The following NEDD4 variants were observed in gnomAD, a reference collection of about 807,000 sequenced individuals.
NEDD4 encodes the protein E3 ubiquitin-protein ligase NEDD4.
NEDD4 carries 99 observed loss-of-function variants against 144.9 expected under a neutral mutation model. The observed-to-expected ratio is 0.68, with a 90% CI of 0.58 to 0.81. The LOEUF (loss-of-function observed/expected upper bound fraction) is 0.81, where lower values mean the gene tolerates loss of function less well. Among genes scored for constraint, NEDD4 ranks in the 30% least tolerant of loss-of-function variants. NEDD4 has a pLI of 0.00. For synonymous variants in NEDD4, 318 were observed against 350.6 expected, an observed-to-expected ratio of 0.91 and a Z score of 1.04; for missense variants, 985 against 1,065.9, an observed-to-expected ratio of 0.92 and a Z score of 1.06.
At chr15:55,914,206 T>G (rs1173013795) in intron 5 of NEDD4, among the ~76,000 whole-genome samples, 2 of 151,580 alleles carry the variant, frequency 1.3e-5, no homozygotes, top group African/African-American at 4.8e-5. Context: ...AGAAGTTTTT[T>G]TTTTTAAAAC....
chr15:55,848,710 T>C lies in NEDD4; in HGVS notation c.1428+96A>G, dbSNP rs1219779214. On this transcript the variant is annotated intron_variant, in intron 15 of 28. Coordinates refer to ENST00000435532, the MANE Select transcript of NEDD4 (RefSeq NM_006154.4). The stretch of plus-strand genomic sequence containing the variant: ...TTAGAAGGTATCAACATTTTAATAA[T>C]AACATTAATTATAGATGATAAAGAA... 6.2e-6 allele frequency: 8 copies of C among 1,294,250 alleles called. No homozygotes were observed. In the East Asian group the frequency reaches 1.9e-4, roughly 31 times the overall value. 80.2% of individuals were successfully genotyped at this position (1,294,250 alleles called of 1,614,324 possible). A position where few individuals can be genotyped will look rare whatever the true frequency, so the allele number is the denominator to read the frequency against.
intron 8 of NEDD4, among the ~76,000 whole-genome samples, chr15:55,868,564 C>T (rs1048738586): frequency 6.6e-5 from 10 of 152,278 alleles, no homozygotes; most frequent in African/African-American, 2.2e-4. Flanking sequence ...CCCTGGCACA[C>T]ACTCTCTTGC....
rs1379671347 is a variant in NEDD4 at position 55,829,867 on chromosome 15, G to A, written c.*30C>T. ...AGATTTTGGTTATAAAACTATGGCA[G>A]TAAAAACACTACAGATTGTTATTTG... On this transcript the variant is annotated 3_prime_UTR_variant, in exon 29 of 29. Transcript: ENST00000435532. The A allele has an allele frequency of 7.1e-6, 11 of 1,557,000 alleles. No homozygotes were observed. Among genetic ancestry groups the A allele is most frequent in the Non-Finnish European group, 8.8e-6 (10 of 1,141,138 alleles).
intron 28 of NEDD4, 122 bp from the exon 29 acceptor site, chr15:55,830,121 C>A: frequency 1.4e-6 from 1 of 700,640 alleles, no homozygotes. Context: ...TATGTCTTTT[C>A]ACCAGGGGTA....
intron 12 of NEDD4, among the ~76,000 whole-genome samples, chr15:55,855,639 G>A (rs1027471974): frequency 1.3e-5 from 2 of 152,212 alleles, no homozygotes; most frequent in African/African-American, 4.8e-5. Flanking sequence ...GGAAGCAGAA[G>A]GCCTTAGTAG....
chr15:55,843,554 C>A (rs2033611469), intron 18 of NEDD4, among the ~76,000 whole-genome samples: 1 of 151,990 alleles, frequency 6.6e-6, no homozygotes. Flanking sequence ...GGCAAATTTC[C>A]AGGGGAAACC....
intron 8 of NEDD4, among the ~76,000 whole-genome samples, chr15:55,866,275 T>A (rs1476255002): frequency 6.6e-6 from 1 of 151,184 alleles, no homozygotes; most frequent in Non-Finnish European, 1.5e-5. Context: ...CTATTTTTTC[T>A]TTTTATTGCC....
At chr15:55,936,477 C>A (rs910522738) in intron 4 of NEDD4, among the ~76,000 whole-genome samples, 2 of 151,708 alleles carry the variant, frequency 1.3e-5, no homozygotes, top group Non-Finnish European at 2.9e-5. Context: ...GGTGGTTTAT[C>A]GAGATGAAAT....
chr15:55,875,118 A>G (rs2034948965), intron 5 of NEDD4, among the ~76,000 whole-genome samples: 1 of 152,094 alleles, frequency 6.6e-6, no homozygotes, highest in African/African-American at 2.4e-5. Context: ...CCCAGTAGGA[A>G]GAGAAAAAGT....
Position 55,847,006 on chromosome 15 carries a change from C to A in NEDD4, c.1571G>T (p.Arg524Ile). 6.2e-7 allele frequency: 1 copy of A among 1,610,430 alleles called. No homozygotes were observed. The highest frequency in any genetic ancestry group is 8.5e-7 in the Non-Finnish European group (1 of 1,177,674). Residue 524 changes from arginine to isoleucine, a missense_variant, in exon 18 of 29, where the codon AGA (arginine) becomes ATA (isoleucine). Coordinates refer to ENST00000435532, the MANE Select transcript of NEDD4 (RefSeq NM_006154.4). ...CTTTCTTCGGAAGAACTCATACTTT[C>A]TTTTGTAATCCCTGGAGTAGGGCAC... ...PAVPYSRDYKRKYEFFRRKLK... is the reference protein window; with the variant it reads ...PAVPYSRDYKIKYEFFRRKLK...
rs368619204 is a variant in NEDD4, at chr15:55,979,261, AAGC to A, written c.46-12718_46-12716del. On this transcript the variant is annotated intron_variant, in intron 1 of 28. Transcript: ENST00000435532. ...ATGCTGAAATCTATGACAACTGTAA[AAGC>A]ACACACAGAAAGATTAGAAGGAAAT... Among the ~76,000 whole-genome samples, 63 of 151,796 alleles carry A rather than the reference AAGC, an allele frequency of 4.2e-4. No individual in the cohort carries two copies. In the East Asian group the frequency reaches 0.011, roughly 27 times the overall value.
chr15:55,846,042 C>T lies in NEDD4; in HGVS notation c.1608+927G>A, dbSNP rs143961536. Among the ~76,000 whole-genome samples, 878 of 152,160 alleles carry T rather than the reference C, an allele frequency of 5.8e-3. 12 individuals are homozygous for T. Among genetic ancestry groups the T allele is most frequent in the African/African-American group, 0.02 (822 of 41,520 alleles). ...CCTCAAGTGATCCACCCACCTCGAC[C>T]TCCCAAAGTGCTGGGATTACAGGCA... On this transcript the variant is annotated intron_variant, in intron 18 of 28. Coordinates refer to ENST00000435532, the MANE Select transcript of NEDD4 (RefSeq NM_006154.4).
chr15:55,961,941 AT>A (rs1434397303), intron 2 of NEDD4, among the ~76,000 whole-genome samples: 1 of 152,066 alleles, frequency 6.6e-6, no homozygotes, highest in Non-Finnish European at 1.5e-5. Flanking sequence ...TATGTTTTTG[AT>A]TTTTTTATTT....
Position 55,880,174 on chromosome 15 carries a change from C to T in NEDD4, c.292-6166G>A, listed in dbSNP as rs140700456. ...GGGCATAGTGGTACATGCCTTTAATCCCAGCTACTCAGGAGGCTGAGGCAG... is the reference window on the plus strand; with the variant it reads ...GGGCATAGTGGTACATGCCTTTAATTCCAGCTACTCAGGAGGCTGAGGCAG... On this transcript the variant is annotated intron_variant, in intron 5 of 28. Coordinates refer to ENST00000435532, the MANE Select transcript of NEDD4 (RefSeq NM_006154.4). Among the ~76,000 whole-genome samples, 127 of 152,202 alleles carry T rather than the reference C, an allele frequency of 8.3e-4. 1 individual carries two copies. The East Asian group carries it at 0.021, about 25-fold the overall frequency.
Position 55,848,413 on chromosome 15 carries a change from A to G in NEDD4, c.1501T>C (p.Trp501Arg). The part of the protein sequence containing the change: ...YINHNIKRTQ[W>R]EDPRLENVAI... ...ACATTCTCCAACCGAGGATCTTCCC[A>G]TTGTGTTCTTTTTATATCTGAAGGG... is the stretch of plus-strand genomic sequence containing the variant. The change falls in exon 17 of 29, where the codon TGG (tryptophan) becomes CGG (arginine). Residue 501 changes from tryptophan to arginine, a missense_variant. Coordinates refer to ENST00000435532, the MANE Select transcript of NEDD4 (RefSeq NM_006154.4). 3 of 1,614,092 alleles carry G rather than the reference A, an allele frequency of 1.9e-6. No homozygotes were observed. Among genetic ancestry groups the G allele is most frequent in the Middle Eastern group, 1.7e-4 (1 of 6,056 alleles).
chr15:55,964,666 TGTGTGTGTGTGTGAATTTTGCTGCTG>T (rs1173276417), intron 2 of NEDD4, among the ~76,000 whole-genome samples: 2 of 145,842 alleles, frequency 1.4e-5, no homozygotes, highest in Admixed American at 7.1e-5. Context: ...TGTGTGTGTG[TGTGTGTGTGTGTGAATTTTGCTGCTG>T]GTGTGTGTGT....
intron 1 of NEDD4, among the ~76,000 whole-genome samples, chr15:55,978,415 T>C (rs1014224752): frequency 6.6e-6 from 1 of 152,210 alleles, no homozygotes; most frequent in African/African-American, 2.4e-5. Context: ...TTCTAGAGAA[T>C]TGTCAAATTA....
At position 55,951,328 on chromosome 15, in the gene NEDD4, G is replaced by A. The variant is rs1042707739; in HGVS notation, c.237+48C>T. 7.8e-6 allele frequency: 6 copies of A among 768,428 alleles called. No homozygotes were observed. The African/African-American group carries it at 9.3e-5, about 12-fold the overall frequency. The allele number at this position is 768,428 out of a possible 1,614,324, so 47.6% of individuals were successfully genotyped here. On this transcript the variant is annotated intron_variant, in intron 4 of 28. Coordinates refer to ENST00000435532, the MANE Select transcript of NEDD4 (RefSeq NM_006154.4). ...AGAATTTATCATTCTAACCTCCTAA[G>A]AAAAAAACTTACTTTTTCCACTTTA...
chr15:55,965,088 C>A (rs990187577), intron 2 of NEDD4, among the ~76,000 whole-genome samples: 7 of 152,112 alleles, frequency 4.6e-5, no homozygotes, highest in African/African-American at 1.4e-4. Flanking sequence ...AAATCAACCT[C>A]TTTTCTTTAC....
Sources: gnomAD v4.1 joint callset for allele counts (sites outside exome capture counted in the v4.1 genomes callset) on GRCh38, gnomAD v4.1.1 for gene constraint, MANE v1.5 for transcripts, NCBI Gene and HGNC (gene_info 2026-07-23, HGNC 2026-07-21) for gene names.